The following FHIT variants were observed in gnomAD, a reference collection of about 807,000 sequenced individuals.
FHIT encodes the protein bis(5'-adenosyl)-triphosphatase.
In FHIT, 19 loss-of-function variants were observed where a neutral mutation model predicts 17.9. That is an observed-to-expected ratio of 1.06 (90% CI 0.74 to 1.56). The LOEUF is 1.56. FHIT is among the 40% of genes most tolerant of loss of function. The probability of loss-of-function intolerance (pLI) is 0.00; values close to 1 mark genes in which losing one functional copy is unlikely to be tolerated. For synonymous variants in FHIT, 81 were observed against 69.7 expected (o/e 1.16, Z -0.81); for missense variants, 248 against 189.2 (o/e 1.31, Z -1.82).
At chr3:61,040,782 T>G (rs146735343) in intron 3 of FHIT, among the ~76,000 whole-genome samples, 4 of 152,240 alleles carry the variant, frequency 2.6e-5, no homozygotes, top group African/African-American at 7.2e-5. Context: ...ATCCTTCAAA[T>G]CATATGGCAA....
intron 2 of FHIT, among the ~76,000 whole-genome samples, chr3:61,061,837 T>A (rs755730667): frequency 1.3e-5 from 2 of 152,210 alleles, no homozygotes; most frequent in Non-Finnish European, 2.9e-5. Flanking sequence ...CCTCCTCTTC[T>A]TTTTCCCATC....
At chr3:61,175,437 G>C (rs867250494) in intron 2 of FHIT, among the ~76,000 whole-genome samples, 1 of 152,090 alleles carries the variant, frequency 6.6e-6, no homozygotes. Context: ...TCATTAAATA[G>C]TGAACACATG....
chr3:60,965,049 T>C (rs1255481871), intron 3 of FHIT, among the ~76,000 whole-genome samples: 1 of 152,172 alleles, frequency 6.6e-6, no homozygotes, highest in Non-Finnish European at 1.5e-5. Context: ...TCCATTCTCC[T>C]CATCACTTTC....
chr3:61,062,118 T>C (rs914013205), intron 2 of FHIT, among the ~76,000 whole-genome samples: 1 of 152,192 alleles, frequency 6.6e-6, no homozygotes, highest in Non-Finnish European at 1.5e-5. Context: ...AATACGTTAC[T>C]AGACATTTCA....
rs191607325 is a variant in FHIT, at chr3:59,778,318, G to A, written c.349-25997C>T. The stretch of plus-strand genomic sequence containing the variant: ...AGTAAAAGTGACGCAAACTTGTAGG[G>A]AGTGGGAGGAAGTCTAAAATCTTCC... On this transcript the variant is annotated intron_variant, in intron 8 of 9. Transcript: ENST00000492590. Among the ~76,000 whole-genome samples the A allele has an allele frequency of 4.4e-3, 666 of 152,310 alleles. 3 individuals are homozygous for A. The highest frequency in any genetic ancestry group is 0.01 in the Middle Eastern group (3 of 294).
At chr3:61,151,531 C>T (rs573640802) in intron 2 of FHIT, among the ~76,000 whole-genome samples, 11 of 150,270 alleles carry the variant, frequency 7.3e-5, no homozygotes, top group South Asian at 2.1e-4. Context: ...TCTTTCATTT[C>T]TTGTACTCAT....
At chr3:59,984,947 G>C (rs957752963) in intron 7 of FHIT, among the ~76,000 whole-genome samples, 6 of 152,118 alleles carry the variant, frequency 3.9e-5, no homozygotes, top group Non-Finnish European at 8.8e-5. Flanking sequence ...TACTAAGCCA[G>C]GTGTGTTGAG....
intron 4 of FHIT, among the ~76,000 whole-genome samples, chr3:60,738,215 AAC>A (rs1319919702): frequency 2.0e-5 from 3 of 152,214 alleles, no homozygotes; most frequent in Non-Finnish European, 4.4e-5. Context: ...GCCTACTGCA[AAC>A]ACAGAGCTGT....
rs555173419 is a variant in FHIT at position 59,887,285 on chromosome 3, C to T, written c.348+35061G>A. 3.3e-5 allele frequency among the ~76,000 whole-genome samples: 5 copies of T among 152,306 alleles called. No individual in the cohort carries two copies. The South Asian group carries it at 8.3e-4, about 25-fold the overall frequency. On this transcript the variant is annotated intron_variant, in intron 8 of 9. Transcript: ENST00000492590. ...GTGGAATCTTTCCCATGGCCCATCTCTGTTCGCTGGAGTCTGAGCACCATC... is the reference window on the plus strand; with the variant it reads ...GTGGAATCTTTCCCATGGCCCATCTTTGTTCGCTGGAGTCTGAGCACCATC...
At chr3:60,136,779 A>G (rs1305313125) in intron 5 of FHIT, among the ~76,000 whole-genome samples, 1 of 152,192 alleles carries the variant, frequency 6.6e-6, no homozygotes, top group Non-Finnish European at 1.5e-5. Context: ...TCACGAGGCC[A>G]TGTACCTTGT....
intron 8 of FHIT, among the ~76,000 whole-genome samples, chr3:59,794,795 C>T (rs895243624): frequency 2.6e-5 from 4 of 152,202 alleles, no homozygotes; most frequent in Non-Finnish European, 5.9e-5. Flanking sequence ...AGACAGCTCT[C>T]AAAGCTAGGC....
intron 5 of FHIT, among the ~76,000 whole-genome samples, chr3:60,097,646 A>G (rs1704010932): frequency 6.6e-6 from 1 of 151,942 alleles, no homozygotes; most frequent in Non-Finnish European, 1.5e-5. Context: ...AGTAATTATA[A>G]TTCCTCTTTC....
At chr3:59,971,980 T>C (rs1041852789) in intron 7 of FHIT, among the ~76,000 whole-genome samples, 6 of 152,154 alleles carry the variant, frequency 3.9e-5, no homozygotes, top group Non-Finnish European at 7.4e-5. Context: ...AACCCCTTCA[T>C]GCTAGGCCCT....
chr3:60,835,084 C>T (rs559820963), intron 3 of FHIT, among the ~76,000 whole-genome samples: 8 of 152,096 alleles, frequency 5.3e-5, no homozygotes, highest in South Asian at 2.1e-4. Context: ...TATTCTGTTC[C>T]GTTGATCTAT....
chr3:60,270,723 T>C (rs552806908), intron 5 of FHIT, among the ~76,000 whole-genome samples: 69 of 152,280 alleles, frequency 4.5e-4, no homozygotes, highest in Non-Finnish European at 7.2e-4. Context: ...GTTTCAGAGA[T>C]TAGTTCGGCT....
rs139360372 is a variant in FHIT at position 59,897,731 on chromosome 3, T to C, written c.348+24615A>G. ...CTTGAGCATCCCTAATCTGAAAATC[T>C]GAAATGCTCCAAATGCTCCAAAATC... On this transcript the variant is annotated intron_variant, in intron 8 of 9. Transcript: ENST00000492590. 3.5e-3 allele frequency among the ~76,000 whole-genome samples: 537 copies of C among 152,138 alleles called. 1 individual carries two copies. Among genetic ancestry groups the C allele is most frequent in the African/African-American group, 0.012 (504 of 41,520 alleles).
chr3:60,384,222 C>T (rs1353266019), intron 5 of FHIT, among the ~76,000 whole-genome samples: 1 of 149,674 alleles, frequency 6.7e-6, no homozygotes, highest in Non-Finnish European at 1.5e-5. Flanking sequence ...GAGCTGAGAT[C>T]ACACCACTGC....
chr3:60,786,191 G>C (rs1431294043), intron 4 of FHIT, among the ~76,000 whole-genome samples: 2 of 152,132 alleles, frequency 1.3e-5, no homozygotes, highest in Non-Finnish European at 2.9e-5. Flanking sequence ...CTTGAACTTA[G>C]CCAAGTTGCT....
At chr3:60,973,693 A>T (rs1420866521) in intron 3 of FHIT, among the ~76,000 whole-genome samples, 1 of 152,174 alleles carries the variant, frequency 6.6e-6, no homozygotes, top group Non-Finnish European at 1.5e-5. Flanking sequence ...TTTTGGTATG[A>T]TCACAAAGAA....
Sources: allele counts gnomAD v4.1 joint callset (sites outside exome capture counted in the v4.1 genomes callset), GRCh38; gene constraint gnomAD v4.1.1; transcripts MANE v1.5; gene names NCBI Gene and HGNC (gene_info 2026-07-23, HGNC 2026-07-21).